The following SYT6 variants were observed in gnomAD, a reference collection of about 807,000 sequenced individuals.
The protein encoded by SYT6 is synaptotagmin-6.
A neutral mutation model predicts 38.4 loss-of-function variants in SYT6; 24 were observed. The ratio of observed to expected loss-of-function variants is 0.62; its 90% CI spans 0.45 to 0.88. The LOEUF (loss-of-function observed/expected upper bound fraction) is 0.88. Ranked by LOEUF, SYT6 falls within the 40% of genes least tolerant of loss-of-function variation. The probability of loss-of-function intolerance (pLI) is 0.00; values close to 1 mark genes in which losing one functional copy is unlikely to be tolerated. For missense variants in SYT6, 611 were observed against 621.0 expected, an observed-to-expected ratio of 0.98 and a Z score of 0.17; for synonymous variants, 265 against 241.9, an observed-to-expected ratio of 1.10 and a Z score of -0.89.
intron 1 of SYT6, among the ~76,000 whole-genome samples, chr1:114,145,930 G>C (rs1475654693): frequency 6.6e-6 from 1 of 152,162 alleles, no homozygotes; most frequent in Admixed American, 6.5e-5. Context: ...TCCTTGGTGT[G>C]GTTGCTATTT....
intron 7 of SYT6, among the ~76,000 whole-genome samples, chr1:114,093,237 C>T (rs1463479218): frequency 6.6e-6 from 1 of 152,202 alleles, no homozygotes; most frequent in African/African-American, 2.4e-5. Flanking sequence ...TTCTATCCAG[C>T]ATCACCTGCG....
At chr1:114,129,739 G>A (rs142655150) in intron 3 of SYT6, among the ~76,000 whole-genome samples, 557 of 150,390 alleles carry the variant, frequency 3.7e-3, no homozygotes, top group Admixed American at 7.5e-3. Flanking sequence ...GTGCAGTGGT[G>A]TAATCATGGC....
At chr1:114,094,179 G>C (rs1306795091) in intron 6 of SYT6, among the ~76,000 whole-genome samples, 1 of 152,208 alleles carries the variant, frequency 6.6e-6, no homozygotes. Flanking sequence ...CTGCTAGTCT[G>C]AGTTTTCCTA....
chr1:114,129,616 CCTTTCTTTCT>C (rs1678001838), intron 3 of SYT6, among the ~76,000 whole-genome samples: 4 of 58,912 alleles, frequency 6.8e-5, no homozygotes, highest in African/African-American at 1.1e-4. Context: ...TTCTTTCTTT[CCTTTCTTTCT>C]TTCTTTCTTT....
intron 3 of SYT6, among the ~76,000 whole-genome samples, chr1:114,129,657 CTTTCTTTCTTTCTTTCTT>C (rs1557756518): frequency 4.7e-4 from 26 of 54,940 alleles, no homozygotes; most frequent in Admixed American, 4.1e-3. Flanking sequence ...CTTTCTTTTT[CTTTCTTTCTTTCTTTCTT>C]TTTCTTTCTT....
chr1:114,126,814 A>T (rs1346497745), intron 3 of SYT6, among the ~76,000 whole-genome samples: 1 of 152,202 alleles, frequency 6.6e-6, no homozygotes, highest in African/African-American at 2.4e-5. Flanking sequence ...GGCTGCGAGC[A>T]GAGGGAGGGA....
chr1:114,105,625 C>T (rs1378451741), intron 3 of SYT6, among the ~76,000 whole-genome samples: 2 of 152,168 alleles, frequency 1.3e-5, no homozygotes, highest in African/African-American at 2.4e-5. Flanking sequence ...CTGTGAAGCG[C>T]CTCCATGAAG....
intron 3 of SYT6, among the ~76,000 whole-genome samples, chr1:114,106,966 C>T (rs1424396882): frequency 6.6e-6 from 1 of 152,176 alleles, no homozygotes; most frequent in Non-Finnish European, 1.5e-5. Context: ...AAGGGGTGCT[C>T]ACATTTTAGT....
chr1:114,123,481 T>C (rs1677542474), intron 3 of SYT6, among the ~76,000 whole-genome samples: 1 of 152,146 alleles, frequency 6.6e-6, no homozygotes, highest in Non-Finnish European at 1.5e-5. Flanking sequence ...TACAAAGCAG[T>C]GACCTCTTTT....
At chr1:114,105,308 T>TTC (rs1676221793) in intron 3 of SYT6, among the ~76,000 whole-genome samples, 2 of 143,930 alleles carry the variant, frequency 1.4e-5, no homozygotes, top group Admixed American at 1.4e-4. Context: ...ACAGCCCTGT[T>TTC]CCCCCCCTGG....
chr1:114,099,112 G>A lies in SYT6; in HGVS notation c.1346C>T (p.Ser449Leu), dbSNP rs953213849. 6.2e-7 allele frequency: 1 copy of A among 1,613,490 alleles called. No homozygotes were observed. Reference sequence around the variant, plus strand: ...TACCTACCGATCATAGTCCATGACTGAGATGAGCAGGCTGACTTGATCCAT... The same window carrying A: ...TACCTACCGATCATAGTCCATGACTAAGATGAGCAGGCTGACTTGATCCAT... ...ENMDQVSLLI[S>L]VMDYDRVGHN... Residue 449 changes from serine to leucine, a missense_variant, in exon 5 of 8, where the codon TCA becomes TTA. Coordinates refer to ENST00000610222, the MANE Select transcript of SYT6 (RefSeq NM_001253772.2).
At chr1:114,111,679 G>A (rs777794704) in intron 3 of SYT6, among the ~76,000 whole-genome samples, 95 of 152,272 alleles carry the variant, frequency 6.2e-4, no homozygotes, top group Non-Finnish European at 9.7e-4. Context: ...GGTGGTAAAG[G>A]CCAAGGGAGA....
chr1:114,103,665 G>A lies in SYT6; in HGVS notation c.1128C>T (p.Gly376=). 6.2e-7 allele frequency: 1 copy of A among 1,614,184 alleles called. No homozygotes were observed. The change falls in exon 4 of 8, where the codon GGC becomes GGT. Residue 376 remains glycine, a synonymous_variant. Coordinates refer to ENST00000610222, the MANE Select transcript of SYT6 (RefSeq NM_001253772.2). The part of the protein sequence containing the change: ...MFSLCYLPTA[G]RLTLTVIKCR... Reference sequence around the variant, plus strand: ...ACTTAATCACTGTGAGGGTGAGCCTGCCTGCAGTGGGCAGGTAGCAAAGGG... The same window carrying A: ...ACTTAATCACTGTGAGGGTGAGCCTACCTGCAGTGGGCAGGTAGCAAAGGG...
chr1:114,147,801 A>G (rs1195286229), intron 1 of SYT6, among the ~76,000 whole-genome samples: 1 of 152,250 alleles, frequency 6.6e-6, no homozygotes, highest in Non-Finnish European at 1.5e-5. Context: ...CATTGTGAAT[A>G]TTAAATAAGC....
chr1:114,146,132 G>A (rs1679144645), intron 1 of SYT6, among the ~76,000 whole-genome samples: 2 of 152,196 alleles, frequency 1.3e-5, no homozygotes, highest in African/African-American at 2.4e-5. Context: ...CTCACTGGCA[G>A]GCAGTGCAAG....
At chr1:114,152,032 G>A (rs1217476880) in intron 1 of SYT6, among the ~76,000 whole-genome samples, 1 of 152,076 alleles carries the variant, frequency 6.6e-6, no homozygotes, top group Non-Finnish European at 1.5e-5. Flanking sequence ...CAGGGCTCAG[G>A]TGGGCTCCGC....
intron 5 of SYT6, among the ~76,000 whole-genome samples, chr1:114,098,227 T>A (rs1675764196): frequency 6.6e-6 from 1 of 152,176 alleles, no homozygotes; most frequent in Non-Finnish European, 1.5e-5. Context: ...TATTTGCAAA[T>A]AAATCGACAG....
chr1:114,145,502 G>GTTTTTTTTTTTTTTTTTTTTTTTT (rs752982644), intron 1 of SYT6, among the ~76,000 whole-genome samples: 3 of 111,624 alleles, frequency 2.7e-5, no homozygotes, highest in African/African-American at 3.7e-5. Flanking sequence ...GAGGTATTAA[G>GTTTTTTTTTTTTTTTTTTTTTTTT]TTTTTTTTTT....
At chr1:114,137,183 T>G (rs901302758) in intron 3 of SYT6, among the ~76,000 whole-genome samples, 1 of 152,234 alleles carries the variant, frequency 6.6e-6, no homozygotes, top group Non-Finnish European at 1.5e-5. Context: ...ATGGCCTGTT[T>G]CAATTGCCTA....
Sources: allele counts gnomAD v4.1 joint callset (sites outside exome capture counted in the v4.1 genomes callset), GRCh38; gene constraint gnomAD v4.1.1; transcripts MANE v1.5; gene names NCBI Gene and HGNC (gene_info 2026-07-23, HGNC 2026-07-21).